CAND1: variants seen among roughly 807,000 people sequenced by gnomAD.
The protein encoded by CAND1 is cullin-associated NEDD8-dissociated protein 1.
CAND1 carries 7 observed loss-of-function variants against 108.5 expected under a neutral mutation model. The observed-to-expected ratio is 0.06, with a 90% CI of 0.04 to 0.12. The LOEUF is 0.12. Among genes scored for constraint, CAND1 ranks in the 10% least tolerant of loss-of-function variants. The pLI is 1.00. For missense variants in CAND1, 941 were observed against 1,448.7 expected, an observed-to-expected ratio of 0.65 and a Z score of 5.69; for synonymous variants, 534 against 512.0, an observed-to-expected ratio of 1.04 and a Z score of -0.58.
In CAND1 at chr12:67,306,339, T is replaced by C. The variant is rs752401121; in HGVS notation, c.2671T>C (p.Tyr891His). 6.2e-7 allele frequency: 1 copy of C among 1,614,160 alleles called. No individual in the cohort carries two copies. The highest frequency in any genetic ancestry group is 2.2e-5 in the East Asian group (1 of 44,888). ...CATTAGTGTGGGCAACCTTCCTGAA[T>C]ATCTGCCGTTTGTCCTGCAAGAAAT... ...GSISVGNLPE[Y>H]LPFVLQEITS... The change falls in exon 10 of 15, where the codon TAT (tyrosine) becomes CAT (histidine). Residue 891 changes from tyrosine (Y) to histidine (H), a missense_variant. Coordinates refer to ENST00000545606, the MANE Select transcript of CAND1 (RefSeq NM_018448.5).
At chr12:67,287,441 T>C (rs1287093879) in intron 2 of CAND1, among the ~76,000 whole-genome samples, 1 of 152,176 alleles carries the variant, frequency 6.6e-6, no homozygotes, top group Non-Finnish European at 1.5e-5. Context: ...TTGAGAAGAA[T>C]TTGTGTATTA....
rs1174595962 is a variant in CAND1, at chr12:67,317,063, TATA to T, written c.*4236_*4238del. The T allele has an allele frequency of 6.6e-6, 1 of 152,160 alleles. No individual in the cohort carries two copies. The highest frequency in any genetic ancestry group is 1.5e-5 in the Non-Finnish European group (1 of 68,014). 9.4% of individuals were successfully genotyped at this position (152,160 alleles called of 1,614,324 possible). ...TGGCCCTAAAAGAATAAGGATTACA[TATA>T]ATGAGAAGACGTGTGGGCTGAAATA... On this transcript the variant is annotated 3_prime_UTR_variant, in exon 15 of 15. Transcript: ENST00000545606.
chr12:67,291,636 A>G (rs994529869), intron 2 of CAND1, among the ~76,000 whole-genome samples: 1 of 152,178 alleles, frequency 6.6e-6, no homozygotes, highest in Admixed American at 6.5e-5. Context: ...AGGTAATTTT[A>G]TATGATATTT....
chr12:67,308,499 G>C (rs1399962004), intron 11 of CAND1, among the ~76,000 whole-genome samples: 1 of 152,080 alleles, frequency 6.6e-6, no homozygotes, highest in Non-Finnish European at 1.5e-5. Flanking sequence ...ATCTTTCCAT[G>C]TTGACAGCAG....
chr12:67,279,268 T>G (rs774879070), intron 1 of CAND1, among the ~76,000 whole-genome samples: 5 of 152,146 alleles, frequency 3.3e-5, no homozygotes, highest in Non-Finnish European at 5.9e-5. Flanking sequence ...AGTCAACTCT[T>G]GGGTGTGATA....
chr12:67,273,479 C>CTTTTT (rs535435592), intron 1 of CAND1, among the ~76,000 whole-genome samples: 4 of 130,628 alleles, frequency 3.1e-5, no homozygotes, highest in African/African-American at 5.7e-5. Flanking sequence ...AAGTTCTTTT[C>CTTTTT]TTTTTTTTTT....
intron 13 of CAND1, 25 bp downstream of exon 13, chr12:67,310,341 C>T (rs2044935605): frequency 6.5e-7 from 1 of 1,537,258 alleles, no homozygotes; most frequent in East Asian, 2.3e-5. Flanking sequence ...CCTATTTATA[C>T]AATGTTTTAG....
At chr12:67,304,840 A>G (rs1376735340) in intron 9 of CAND1, 94 bp downstream of exon 9, 2 of 1,412,750 alleles carry the variant, frequency 1.4e-6, no homozygotes, top group Non-Finnish European at 1.9e-6. Context: ...TTAAAGGAAT[A>G]TATGTGACAA....
rs1191927041 is a variant in CAND1 at position 67,306,068 on chromosome 12, C to A, written c.2400C>A (p.Ala800=). The change falls in exon 10 of 15, where the codon GCC becomes GCA. Residue 800 remains alanine (A), a synonymous_variant. Transcript: ENST00000545606. ...LTHKQSYYSI[A]KCVAALTRAC... ...ATAAGCAGTCTTATTATTCCATTGC[C>A]AAATGTGTAGCTGCCCTTACTCGAG... 1.2e-6 allele frequency: 2 copies of A among 1,614,126 alleles called. No homozygotes were observed. Among genetic ancestry groups the A allele is most frequent in the South Asian group, 2.2e-5 (2 of 91,070 alleles).
rs545940488 is a variant in CAND1, at chr12:67,292,680, C to T, written c.271C>T (p.Leu91Phe). 1 of 1,612,896 alleles carries T rather than the reference C, an allele frequency of 6.2e-7. No homozygotes were observed. The highest frequency in any genetic ancestry group is 1.1e-5 in the South Asian group (1 of 91,014). Reference sequence around the variant, plus strand: ...CCAAGTAGAGACAATTGTAGATACCCTCTGCACTAACATGCTTTCTGATAA... The same window carrying T: ...CCAAGTAGAGACAATTGTAGATACCTTCTGCACTAACATGCTTTCTGATAA... ...EYQVETIVDT[L>F]CTNMLSDKEQ... The change falls in exon 3 of 15, where the codon CTC becomes TTC. Residue 91 changes from leucine (L) to phenylalanine (F), a missense_variant. Around this residue, in one of 9 missense-constraint regions of CAND1, gnomAD observed 44 missense variants for 129.1 expected, o/e 0.34. Transcript: ENST00000545606.
At chr12:67,278,928 A>G (rs2044594881) in intron 1 of CAND1, among the ~76,000 whole-genome samples, 1 of 152,326 alleles carries the variant, frequency 6.6e-6, no homozygotes, top group East Asian at 1.9e-4. Context: ...GCCTTTTACT[A>G]GACTGCAATG....
chr12:67,304,308 T>C (rs926721281), intron 8 of CAND1, among the ~76,000 whole-genome samples: 2 of 152,176 alleles, frequency 1.3e-5, no homozygotes, highest in Non-Finnish European at 2.9e-5. Flanking sequence ...TTTTTAGTCA[T>C]GTATGTTTCA....
chr12:67,312,603 C>A lies in CAND1; in HGVS notation c.3469-3C>A. On this transcript the variant is annotated splice_polypyrimidine_tract_variant and splice_region_variant and intron_variant, in intron 14 of 14. Coordinates refer to ENST00000545606, the MANE Select transcript of CAND1 (RefSeq NM_018448.5). The stretch of plus-strand genomic sequence containing the variant: ...TGTAATCTAAGTTTACTCCATCTTA[C>A]AGGTAAAGGCAAACTCAGTAAAGCA... 1.3e-6 allele frequency: 2 copies of A among 1,587,590 alleles called. No homozygotes were observed. The highest frequency in any genetic ancestry group is 1.7e-6 in the Non-Finnish European group (2 of 1,167,000).
At position 67,305,549 on chromosome 12, in the gene CAND1, T is replaced by C. The variant is rs1173252135; in HGVS notation, c.1881T>C (p.Thr627=). Residue 627 remains threonine (T), a synonymous_variant, in exon 10 of 15, where the codon ACT becomes ACC. Coordinates refer to ENST00000545606, the MANE Select transcript of CAND1 (RefSeq NM_018448.5). This position sits in a 1 kb window ranked among gnomAD's most constrained non-coding sequence, Gnocchi z 4.4. ...ERLKNEITRL[T]TVKALTLIAG... is the part of the protein sequence containing the mutation. ...TAAAGAATGAAATTACCAGGTTAAC[T>C]ACAGTAAAGGCATTGACACTGATTG... The C allele has an allele frequency of 6.2e-7, 1 of 1,614,082 alleles. No homozygotes were observed. Among genetic ancestry groups the C allele is most frequent in the South Asian group, 1.1e-5 (1 of 91,080 alleles).
At chr12:67,292,503 A>G in intron 2 of CAND1, 119 bp from the exon 3 acceptor site, 1 of 639,938 alleles carries the variant, frequency 1.6e-6, no homozygotes, top group Non-Finnish European at 2.5e-6. Context: ...TATGATACAG[A>G]CATGGTATAT....
chr12:67,298,672 A>G (rs568731855), intron 6 of CAND1, among the ~76,000 whole-genome samples: 2 of 152,290 alleles, frequency 1.3e-5, no homozygotes, highest in South Asian at 4.1e-4. Flanking sequence ...CATGTTGATT[A>G]TATACCGATT....
At position 67,312,982 on chromosome 12, in the gene CAND1, A is replaced by G. The variant is rs1199040635; in HGVS notation, c.*152A>G. On this transcript the variant is annotated 3_prime_UTR_variant, in exon 15 of 15. Transcript: ENST00000545606. ...GAGACTGTTTGTTTGGCTTTCTTCC[A>G]TTGTTGTTTTTGTAGCATTTATTTC... 9 of 533,940 alleles carry G rather than the reference A, an allele frequency of 1.7e-5. No individual in the cohort carries two copies. The Admixed American group carries it at 2.2e-4, about 13-fold the overall frequency. The allele number at this position is 533,940 out of a possible 1,614,324, so 33.1% of individuals were successfully genotyped here.
chr12:67,277,285 C>T (rs1423450282), intron 1 of CAND1, among the ~76,000 whole-genome samples: 1 of 152,190 alleles, frequency 6.6e-6, no homozygotes, highest in Non-Finnish European at 1.5e-5. Flanking sequence ...GAATTAGTTT[C>T]TCTGAGTCCT....
At chr12:67,294,760 C>A (rs2044753203) in intron 3 of CAND1, among the ~76,000 whole-genome samples, 1 of 152,282 alleles carries the variant, frequency 6.6e-6, no homozygotes, top group Admixed American at 6.5e-5. Context: ...TATTGAAAAG[C>A]AGCCTGTTTT....
Sources: gnomAD v4.1 joint callset for allele counts (sites outside exome capture counted in the v4.1 genomes callset) on GRCh38, gnomAD v4.1.1 for gene constraint, gnomAD v4.1.1 regional missense constraint, Gnocchi (gnomAD v3.1) non-coding constraint, MANE v1.5 for transcripts, NCBI Gene and HGNC (gene_info 2026-07-23, HGNC 2026-07-21) for gene names.